RAB27B: variants seen among roughly 807,000 people sequenced by gnomAD.
RAB27B encodes RAB27B, member RAS oncogene family, also known as ras-related protein Rab-27B.
RAB27B carries 15 observed loss-of-function variants against 24.6 expected under a neutral mutation model. The ratio of observed to expected loss-of-function variants is 0.61; its 90% confidence interval spans 0.41 to 0.94. RAB27B has a LOEUF of 0.94. RAB27B is among the 40% of genes least tolerant of loss of function. The probability of loss-of-function intolerance (pLI) is 0.00; values close to 1 mark genes in which losing one functional copy is unlikely to be tolerated. For synonymous variants in RAB27B, 105 were observed against 92.5 expected, an observed-to-expected ratio of 1.14 and a Z score of -0.78; for missense variants, 261 against 266.8, an observed-to-expected ratio of 0.98 and a Z score of 0.15.
chr18:54,845,296 A>T (rs968029695), intron 1 of RAB27B, among the ~76,000 whole-genome samples: 2 of 151,490 alleles, frequency 1.3e-5, no homozygotes, highest in African/African-American at 4.9e-5. Flanking sequence ...AATCCCAGCC[A>T]CTCAGGAGAC....
At chr18:54,743,715 A>C (rs544604073) in intron 2 of RAB27B, among the ~76,000 whole-genome samples, 1 of 152,320 alleles carries the variant, frequency 6.6e-6, no homozygotes, top group East Asian at 1.9e-4. Context: ...AGGAGGTGAG[A>C]TCAGATACAC....
chr18:54,826,034 A>T (rs1910460290), upstream of RAB27B, among the ~76,000 whole-genome samples: 1 of 152,228 alleles, frequency 6.6e-6, no homozygotes, highest in South Asian at 2.1e-4. Flanking sequence ...TCCAAAATTC[A>T]TTACAAGTTT....
At chr18:54,749,754 A>T (rs924986384) in intron 2 of RAB27B, among the ~76,000 whole-genome samples, 4 of 152,210 alleles carry the variant, frequency 2.6e-5, no homozygotes, top group African/African-American at 9.6e-5. Flanking sequence ...CTAATACAGA[A>T]GGAAGAAAGG....
chr18:54,874,052 G>T (rs1203470416), intron 1 of RAB27B, among the ~76,000 whole-genome samples: 1 of 152,146 alleles, frequency 6.6e-6, no homozygotes, highest in Non-Finnish European at 1.5e-5. Flanking sequence ...ACTGGGAGGT[G>T]GCACCAGTAT....
intron 1 of RAB27B, among the ~76,000 whole-genome samples, chr18:54,868,772 G>A (rs534774426): frequency 6.6e-6 from 1 of 152,208 alleles, no homozygotes; most frequent in African/African-American, 2.4e-5. Flanking sequence ...GATTACAGAC[G>A]TGTGCCACCA....
chr18:54,802,464 C>G (rs1909641734), intron 2 of RAB27B, among the ~76,000 whole-genome samples: 1 of 152,134 alleles, frequency 6.6e-6, no homozygotes, highest in Non-Finnish European at 1.5e-5. Context: ...GCAGTAATCT[C>G]TTAATTTATG....
intron 2 of RAB27B, among the ~76,000 whole-genome samples, chr18:54,779,959 G>T (rs73960627): frequency 5.7e-4 from 76 of 132,212 alleles, no homozygotes; most frequent in African/African-American, 2.1e-3. Flanking sequence ...CTCTCCTGAC[G>T]GCTTCCTCCT....
At chr18:54,830,905 C>G (rs1386478627) in intron 1 of RAB27B, among the ~76,000 whole-genome samples, 1 of 152,200 alleles carries the variant, frequency 6.6e-6, no homozygotes, top group Non-Finnish European at 1.5e-5. Context: ...GTCTTTTTAA[C>G]TAAACAACTG....
At chr18:54,805,536 A>T (rs1909764835) in intron 2 of RAB27B, among the ~76,000 whole-genome samples, 1 of 152,160 alleles carries the variant, frequency 6.6e-6, no homozygotes, top group Non-Finnish European at 1.5e-5. Flanking sequence ...TTCTCTATAT[A>T]CTTAGAGAAT....
intron 2 of RAB27B, among the ~76,000 whole-genome samples, chr18:54,771,978 C>T (rs1389500019): frequency 6.6e-6 from 1 of 152,192 alleles, no homozygotes; most frequent in Admixed American, 6.5e-5. Context: ...AAGAGTTTCA[C>T]ATTTGAACAC....
Position 54,804,984 on chromosome 18 carries a change from C to CT in RAB27B, c.-19-72572dup, listed in dbSNP as rs11324250. Among the ~76,000 whole-genome samples the CT allele has an allele frequency of 3.9e-4, 52 of 134,266 alleles. 1 individual carries two copies. The highest frequency in any genetic ancestry group is 1.4e-3 in the African/African-American group (48 of 34,926). The allele number at this position is 134,266 out of a possible 152,430, so 88.1% of individuals were successfully genotyped here. A position where few individuals can be genotyped will look rare whatever the true frequency, so the allele number is the denominator to read the frequency against. On this transcript the variant is annotated intron_variant, in intron 2 of 4. Transcript: ENST00000586570. Reference sequence around the variant, plus strand: ...TCTTTCTGCCTTCCTGCCTTCCTTCCTTTTTTTTTTTAGTTTTCTGTTCCT... The same window carrying CT: ...TCTTTCTGCCTTCCTGCCTTCCTTCCTTTTTTTTTTTTAGTTTTCTGTTCCT...
At chr18:54,781,908 TATACTC>T (rs1172898065) in intron 2 of RAB27B, among the ~76,000 whole-genome samples, 1 of 152,246 alleles carries the variant, frequency 6.6e-6, no homozygotes, top group Non-Finnish European at 1.5e-5. Context: ...AGATACCAAT[TATACTC>T]ATAAAAATAG....
intron 2 of RAB27B, among the ~76,000 whole-genome samples, chr18:54,819,505 G>A (rs1337853861): frequency 2.9e-5 from 4 of 137,182 alleles, no homozygotes; most frequent in African/African-American, 1.1e-4. Flanking sequence ...GCACTCCAGC[G>A]TGGGCGACAG....
chr18:54,760,839 C>G (rs188045303), intron 2 of RAB27B, among the ~76,000 whole-genome samples: 190 of 152,114 alleles, frequency 1.2e-3, no homozygotes, highest in East Asian at 9.7e-4. Flanking sequence ...TGGATTCTCT[C>G]ATGGAAGGGA....
At chr18:54,820,342 G>A (rs1471575610) in intron 2 of RAB27B, among the ~76,000 whole-genome samples, 3 of 152,134 alleles carry the variant, frequency 2.0e-5, no homozygotes, top group Non-Finnish European at 4.4e-5. Flanking sequence ...TCTCATTGTG[G>A]TTTTGATTTG....
At chr18:54,820,046 A>T (rs1014135391) in intron 2 of RAB27B, among the ~76,000 whole-genome samples, 1 of 152,004 alleles carries the variant, frequency 6.6e-6, no homozygotes, top group Non-Finnish European at 1.5e-5. Flanking sequence ...TGGTTCCAAG[A>T]CTTTGCTGTT....
intron 1 of RAB27B, among the ~76,000 whole-genome samples, chr18:54,836,948 C>A (rs1053558864): frequency 1.3e-5 from 2 of 152,120 alleles, no homozygotes; most frequent in Admixed American, 6.6e-5. Flanking sequence ...CCATGTTAAA[C>A]CTGACAATAC....
intron 2 of RAB27B, among the ~76,000 whole-genome samples, chr18:54,783,680 C>T (rs1908989606): frequency 6.6e-6 from 1 of 152,112 alleles, no homozygotes; most frequent in Non-Finnish European, 1.5e-5. Context: ...GGAAGCTGGA[C>T]CTCAGAAATG....
chr18:54,768,581 G>T (rs1042001628), intron 2 of RAB27B, among the ~76,000 whole-genome samples: 1 of 152,046 alleles, frequency 6.6e-6, no homozygotes, highest in East Asian at 1.9e-4. Flanking sequence ...TAACTCTCAT[G>T]TTTTTCTCAG....
Sources: gnomAD v4.1 joint callset for allele counts (sites outside exome capture counted in the v4.1 genomes callset) on GRCh38, gnomAD v4.1.1 for gene constraint, MANE v1.5 for transcripts, NCBI Gene and HGNC (gene_info 2026-07-23, HGNC 2026-07-21) for gene names.